The following COL23A1 variants were observed in gnomAD, a reference collection of about 807,000 sequenced individuals.
COL23A1 encodes collagen alpha-1(XXIII) chain.
COL23A1 carries 97 observed loss-of-function variants against 99.3 expected under a neutral mutation model. That is an observed-to-expected ratio of 0.98 (90% CI 0.83 to 1.16). The LOEUF is 1.16. Among genes scored for constraint, COL23A1 ranks in the 50% most tolerant of loss-of-function variants. The pLI is 0.00. For synonymous variants in COL23A1, 320 were observed against 308.2 expected (o/e 1.04, Z -0.40); for missense variants, 762 against 757.4 (o/e 1.01, Z -0.07).
chr5:178,243,379 T>TGG (rs1278026407), intron 25 of COL23A1, among the ~76,000 whole-genome samples: 1 of 150,212 alleles, frequency 6.7e-6, no homozygotes, highest in African/African-American at 2.5e-5. Context: ...CCCAGCTACT[T>TGG]GGGAGGTTGA....
intron 8 of COL23A1, among the ~76,000 whole-genome samples, chr5:178,266,495 C>A (rs1755909077): frequency 6.6e-6 from 1 of 152,034 alleles, no homozygotes; most frequent in Non-Finnish European, 1.5e-5. Flanking sequence ...CTCTTCATGA[C>A]CTCTGGGCCT....
At chr5:178,393,883 T>G (rs2127756118) in intron 2 of COL23A1, among the ~76,000 whole-genome samples, 1 of 152,274 alleles carries the variant, frequency 6.6e-6, no homozygotes, top group Admixed American at 6.5e-5. Flanking sequence ...TGCTTTGGCC[T>G]CCCAAAGTGC....
At chr5:178,587,255 C>T (rs1171574024) in intron 1 of COL23A1, among the ~76,000 whole-genome samples, 1 of 152,164 alleles carries the variant, frequency 6.6e-6, no homozygotes, top group Non-Finnish European at 1.5e-5. Flanking sequence ...GGCTCTTACT[C>T]AGAAATCTTG....
At chr5:178,564,513 G>A (rs1016224993) in intron 1 of COL23A1, among the ~76,000 whole-genome samples, 1 of 151,870 alleles carries the variant, frequency 6.6e-6, no homozygotes, top group East Asian at 1.9e-4. Context: ...AGCACCCCCA[G>A]CATCTGCAAA....
At chr5:178,473,886 CCAG>C (rs1756895908) in intron 2 of COL23A1, among the ~76,000 whole-genome samples, 1 of 152,164 alleles carries the variant, frequency 6.6e-6, no homozygotes, top group African/African-American at 2.4e-5. Context: ...AACAACCAGA[CCAG>C]ATTATGAATT....
intron 2 of COL23A1, among the ~76,000 whole-genome samples, chr5:178,488,087 A>G (rs1757731080): frequency 6.6e-6 from 1 of 152,246 alleles, no homozygotes; most frequent in Admixed American, 6.5e-5. Context: ...AGCCCACGGC[A>G]GGGTGCCTGG....
chr5:178,394,151 G>A (rs138500765), intron 2 of COL23A1, among the ~76,000 whole-genome samples: 1 of 152,352 alleles, frequency 6.6e-6, no homozygotes, highest in Non-Finnish European at 1.5e-5. Flanking sequence ...CAGGCAAGGA[G>A]GAGGCCCAGG....
At chr5:178,265,577 T>A (rs1208263844) in intron 8 of COL23A1, 1 of 695,132 alleles carries the variant, frequency 1.4e-6, no homozygotes, top group Non-Finnish European at 1.8e-6. Flanking sequence ...ATGGCTGAGG[T>A]CTAACCCTGC....
intron 2 of COL23A1, among the ~76,000 whole-genome samples, chr5:178,474,431 C>A (rs1328250399): frequency 1.3e-5 from 2 of 152,102 alleles, no homozygotes; most frequent in African/African-American, 4.8e-5. Flanking sequence ...TTACTCATAA[C>A]TAAATAATTA....
intron 2 of COL23A1, among the ~76,000 whole-genome samples, chr5:178,418,925 C>T (rs562774928): frequency 6.6e-6 from 1 of 152,310 alleles, no homozygotes; most frequent in Non-Finnish European, 1.5e-5. Flanking sequence ...CCCCAGCCTG[C>T]CCCACAGCTC....
intron 2 of COL23A1, among the ~76,000 whole-genome samples, chr5:178,493,425 G>A (rs988088227): frequency 2.6e-5 from 4 of 152,244 alleles, no homozygotes; most frequent in African/African-American, 9.6e-5. Flanking sequence ...CCGCTGGCAA[G>A]TAGGACCTAC....
rs1444719542 is a variant in COL23A1, at chr5:178,366,328, T to A, written c.362-59409A>T. The stretch of plus-strand genomic sequence containing the variant: ...CCCACGATGGGCGCTGCGTCCTCCA[T>A]CCTCTGGTGCACCAGGTTAGCTTGA... On this transcript the variant is annotated intron_variant, in intron 2 of 28. Transcript: ENST00000390654. The surrounding 1 kb of genome is among the most constrained non-coding windows in gnomAD (Gnocchi z 4.4). Among the ~76,000 whole-genome samples, 1 of 152,176 alleles carries A rather than the reference T, an allele frequency of 6.6e-6. No homozygotes were observed.
At chr5:178,492,359 A>G (rs1757976373) in intron 2 of COL23A1, among the ~76,000 whole-genome samples, 1 of 152,012 alleles carries the variant, frequency 6.6e-6, no homozygotes, top group South Asian at 2.1e-4. Context: ...CTGAGAAGAG[A>G]ATGTTAGGAC....
At chr5:178,292,156 T>C (rs1200660591) in intron 3 of COL23A1, among the ~76,000 whole-genome samples, 1 of 152,098 alleles carries the variant, frequency 6.6e-6, no homozygotes, top group Non-Finnish European at 1.5e-5. Flanking sequence ...ACTATGCCTA[T>C]ACCTGTACCT....
intron 2 of COL23A1, among the ~76,000 whole-genome samples, chr5:178,517,568 G>GTTTTTTGTTTT (rs1759600946): frequency 9.2e-6 from 1 of 108,242 alleles, no homozygotes; most frequent in African/African-American, 3.9e-5. Context: ...TTTTTTTTTT[G>GTTTTTTGTTTT]TTTTTTTTTT....
chr5:178,328,195 C>T (rs199999298), intron 2 of COL23A1, among the ~76,000 whole-genome samples: 2 of 152,314 alleles, frequency 1.3e-5, no homozygotes, highest in East Asian at 3.9e-4. Context: ...TGGGGCCATC[C>T]TTCCTGCCAT....
chr5:178,574,598 G>A (rs2113676052), intron 1 of COL23A1, among the ~76,000 whole-genome samples: 1 of 152,300 alleles, frequency 6.6e-6, no homozygotes, highest in African/African-American at 2.4e-5. Context: ...TCCTTGCAGG[G>A]AGACATTCAG....
Position 178,377,703 on chromosome 5 carries a change from C to T in COL23A1, c.362-70784G>A, listed in dbSNP as rs933122766. On this transcript the variant is annotated intron_variant, in intron 2 of 28. Coordinates refer to ENST00000390654, the MANE Select transcript of COL23A1 (RefSeq NM_173465.4). The stretch of plus-strand genomic sequence containing the variant: ...CGTGGAGGTGGTGTGGACAAGCGCG[C>T]GAGTCACGGTCACAGTCTGTCACCG... Among the ~76,000 whole-genome samples, 9 of 152,088 alleles carry T rather than the reference C, an allele frequency of 5.9e-5. No homozygotes were observed. The South Asian group carries it at 6.2e-4, about 11-fold the overall frequency.
chr5:178,340,329 C>T lies in COL23A1; in HGVS notation c.362-33410G>A, dbSNP rs1010160247. 6.6e-6 allele frequency among the ~76,000 whole-genome samples: 1 copy of T among 152,186 alleles called. No individual in the cohort carries two copies. Among genetic ancestry groups the T allele is most frequent in the African/African-American group, 2.4e-5 (1 of 41,444 alleles). On this transcript the variant is annotated intron_variant, in intron 2 of 28. Transcript: ENST00000390654. This position sits in a 1 kb window ranked among gnomAD's most constrained non-coding sequence, Gnocchi z 4.7. ...ATTATCCAAGAAGCATGTGTCAGAA[C>T]AGCTTTGCTGGTGGCTCCAGCGCAG...
Sources: allele counts gnomAD v4.1 joint callset (sites outside exome capture counted in the v4.1 genomes callset), GRCh38; gene constraint gnomAD v4.1.1; non-coding constraint Gnocchi (gnomAD v3.1); transcripts MANE v1.5; gene names NCBI Gene and HGNC (gene_info 2026-07-23, HGNC 2026-07-21).